The following YEATS2 variants were observed in gnomAD, a reference collection of about 807,000 sequenced individuals.
YEATS2 encodes YEATS domain-containing protein 2.
Under a neutral mutation model 163.2 loss-of-function variants are expected in YEATS2, and 77 were observed. That is an observed-to-expected ratio of 0.47 (90% CI 0.39 to 0.57). The LOEUF (loss-of-function observed/expected upper bound fraction) is 0.57, where lower values mean the gene tolerates loss of function less well. Among genes scored for constraint, YEATS2 ranks in the 20% least tolerant of loss-of-function variants. YEATS2 has a pLI of 0.00. For synonymous variants in YEATS2, 631 were observed against 645.1 expected (o/e 0.98, Z 0.33); for missense variants, 1,549 against 1,729.8 (o/e 0.90, Z 1.85).
chr3:183,769,521 A>G (rs1722240402), intron 15 of YEATS2, among the ~76,000 whole-genome samples: 1 of 152,150 alleles, frequency 6.6e-6, no homozygotes, highest in South Asian at 2.1e-4. Flanking sequence ...TGTTACCCAT[A>G]TTTTATAGAT....
intron 21 of YEATS2, 38 bp from the exon 22 acceptor site, chr3:183,797,885 T>C (rs1725308721): frequency 1.9e-6 from 3 of 1,612,186 alleles, no homozygotes; most frequent in Non-Finnish European, 2.5e-6. Context: ...CCGAAGCACC[T>C]GACCTTCAAC....
chr3:183,731,297 CAAAAAA>C (rs63002261), intron 7 of YEATS2, among the ~76,000 whole-genome samples: 55,859 of 123,092 alleles, frequency 0.45, 11,048 homozygotes, highest in Middle Eastern at 0.56. Context: ...GAGTCTGTCT[CAAAAAA>C]AAAAAAAAAA....
intron 17 of YEATS2, among the ~76,000 whole-genome samples, chr3:183,774,213 A>C (rs773777248): frequency 2.0e-5 from 3 of 152,202 alleles, no homozygotes. Context: ...GGGGTCCCCA[A>C]CCCCTGGGCC....
chr3:183,773,400 T>TA (rs1722669145), intron 16 of YEATS2, among the ~76,000 whole-genome samples: 1 of 152,224 alleles, frequency 6.6e-6, no homozygotes, highest in Non-Finnish European at 1.5e-5. Flanking sequence ...ATCATCCTAT[T>TA]ATATACAGAT....
intron 23 of YEATS2, among the ~76,000 whole-genome samples, chr3:183,799,567 T>C (rs1052457794): frequency 1.3e-5 from 2 of 152,160 alleles, no homozygotes; most frequent in Non-Finnish European, 2.9e-5. Flanking sequence ...GGCCAGACTT[T>C]GGCGAGCTGT....
intron 25 of YEATS2, 88 bp downstream of exon 25, chr3:183,801,616 A>C (rs1352889058): frequency 1.1e-5 from 11 of 1,024,196 alleles, no homozygotes; most frequent in Non-Finnish European, 1.6e-5. Flanking sequence ...TGGGATTGTA[A>C]ATTAATATTG....
At chr3:183,754,773 A>C (rs193106582) in intron 11 of YEATS2, among the ~76,000 whole-genome samples, 1 of 152,338 alleles carries the variant, frequency 6.6e-6, no homozygotes, top group African/African-American at 2.4e-5. Context: ...TTGGGAATTG[A>C]AATGCTTTAT....
chr3:183,809,218 T>C (rs2108545275), intron 30 of YEATS2, 48 bp downstream of exon 30: 1 of 1,587,086 alleles, frequency 6.3e-7, no homozygotes, highest in Non-Finnish European at 8.7e-7. Context: ...ACCTCTTTCC[T>C]AACAGTTGAA....
At chr3:183,748,328 C>T (rs796085816) in intron 9 of YEATS2, among the ~76,000 whole-genome samples, 12 of 149,392 alleles carry the variant, frequency 8.0e-5, no homozygotes, top group African/African-American at 3.0e-4. Flanking sequence ...AATCTTGGCT[C>T]ACTGCAACCT....
intron 6 of YEATS2, among the ~76,000 whole-genome samples, chr3:183,726,003 T>A (rs1717056079): frequency 6.6e-6 from 1 of 152,158 alleles, no homozygotes; most frequent in African/African-American, 2.4e-5. Context: ...AGATAAGTCT[T>A]TTCGGTCACC....
At chr3:183,711,579 GAACA>G (rs2109004860) in intron 1 of YEATS2, among the ~76,000 whole-genome samples, 1 of 151,734 alleles carries the variant, frequency 6.6e-6, no homozygotes, top group Non-Finnish European at 1.5e-5. Context: ...GGATGAATAT[GAACA>G]AACATTAAAT....
chr3:183,792,787 G>T (rs1273122403), intron 21 of YEATS2, among the ~76,000 whole-genome samples: 2 of 152,172 alleles, frequency 1.3e-5, no homozygotes, highest in African/African-American at 2.4e-5. Flanking sequence ...GGGATTACAG[G>T]CATGAGCCAC....
intron 12 of YEATS2, among the ~76,000 whole-genome samples, chr3:183,758,527 G>A (rs907317142): frequency 3.3e-5 from 5 of 152,192 alleles, no homozygotes; most frequent in East Asian, 1.9e-4. Context: ...AGTAGAATAC[G>A]TTATAGTGTC....
At position 183,810,579 on chromosome 3, in the gene YEATS2, A is replaced by G. The variant is rs762270486; in HGVS notation, c.4265A>G (p.Gln1422Arg). The G allele has an allele frequency of 1.2e-6, 2 of 1,613,482 alleles. No individual in the cohort carries two copies. The highest frequency in any genetic ancestry group is 1.7e-6 in the Non-Finnish European group (2 of 1,179,460). ...CACATGGGAATATTGAATGAGGACCAGTGAGCGGAGTGAGGTGCCCTGGAG... is the reference window on the plus strand; with the variant it reads ...CACATGGGAATATTGAATGAGGACCGGTGAGCGGAGTGAGGTGCCCTGGAG... ...NKHMGILNED[Q>R] is the part of the protein sequence containing the mutation. Residue 1422 changes from glutamine to arginine, a missense_variant, in exon 31 of 31, where the codon CAG (glutamine) becomes CGG (arginine). Coordinates refer to ENST00000305135, the MANE Select transcript of YEATS2 (RefSeq NM_018023.5).
chr3:183,754,703 A>T (rs1354103894), intron 11 of YEATS2, among the ~76,000 whole-genome samples: 2 of 152,198 alleles, frequency 1.3e-5, no homozygotes, highest in Non-Finnish European at 2.9e-5. Context: ...CACAGTGACT[A>T]GTGATAGAAA....
intron 8 of YEATS2, among the ~76,000 whole-genome samples, chr3:183,744,116 T>A (rs1369586927): frequency 2.2e-5 from 3 of 134,926 alleles, no homozygotes; most frequent in African/African-American, 2.8e-5. Context: ...TTTTTTTTTT[T>A]TTTTTTTTTT....
intron 7 of YEATS2, among the ~76,000 whole-genome samples, chr3:183,730,241 A>G (rs1415557478): frequency 1.5e-5 from 2 of 134,704 alleles, no homozygotes; most frequent in African/African-American, 5.5e-5. Flanking sequence ...ATTTTTGTAT[A>G]TTTTGTAGAG....
At chr3:183,809,855 A>C (rs1175560339) in intron 30 of YEATS2, among the ~76,000 whole-genome samples, 1 of 152,238 alleles carries the variant, frequency 6.6e-6, no homozygotes, top group Non-Finnish European at 1.5e-5. Flanking sequence ...TGAGGACATG[A>C]AGGGCCTAAA....
intron 1 of YEATS2, among the ~76,000 whole-genome samples, chr3:183,705,261 G>A (rs112771475): frequency 0.018 from 2,673 of 152,124 alleles, 97 homozygotes; most frequent in African/African-American, 0.06. Flanking sequence ...TGTTGCCCAG[G>A]GTGGTCTTGA....
Sources: gnomAD v4.1 joint callset for allele counts (sites outside exome capture counted in the v4.1 genomes callset) on GRCh38, gnomAD v4.1.1 for gene constraint, MANE v1.5 for transcripts, NCBI Gene and HGNC (gene_info 2026-07-23, HGNC 2026-07-21) for gene names.